NRXN1: variants seen among roughly 807,000 people sequenced by gnomAD.
The protein encoded by NRXN1 is neurexin 1.
Under a neutral mutation model 150.9 loss-of-function variants are expected in NRXN1, and 39 were observed. The ratio of observed to expected loss-of-function variants is 0.26; its 90% CI spans 0.20 to 0.34. The LOEUF (loss-of-function observed/expected upper bound fraction) is 0.34. NRXN1 is among the 10% of genes least tolerant of loss of function. The pLI is 1.00. For synonymous variants in NRXN1, 924 were observed against 757.0 expected (o/e 1.22, Z -3.62); for missense variants, 1,815 against 1,949.9 (o/e 0.93, Z 1.30).
intron 17 of NRXN1, among the ~76,000 whole-genome samples, chr2:50,271,024 C>A (rs1240324043): frequency 6.6e-6 from 1 of 151,884 alleles, no homozygotes; most frequent in East Asian, 1.9e-4. Flanking sequence ...GGTATGTATG[C>A]AATTATATGC....
chr2:50,576,504 A>T (rs1671455772), intron 8 of NRXN1, among the ~76,000 whole-genome samples: 1 of 151,900 alleles, frequency 6.6e-6, no homozygotes, highest in Non-Finnish European at 1.5e-5. Context: ...CCCTCATTTC[A>T]TTGTACATCA....
Position 50,528,627 on chromosome 2 carries a change from G to A in NRXN1, c.2372C>T (p.Ser791Phe). 1 of 1,534,870 alleles carries A rather than the reference G, an allele frequency of 6.5e-7. No individual in the cohort carries two copies. The highest frequency in any genetic ancestry group is 9.0e-7 in the Non-Finnish European group (1 of 1,117,060). The change falls in exon 12 of 23, where the codon TCC becomes TTC. Residue 791 changes from serine (S) to phenylalanine (F), a missense_variant and splice_region_variant. Ser to Phe is a radical substitution (Grantham distance 155). Transcript: ENST00000401669. ...AAAAATTTTGAATAGGCACTTACTGGAATTACAGTTAATCCTGATACAATC... is the reference window on the plus strand; with the variant it reads ...AAAAATTTTGAATAGGCACTTACTGAAATTACAGTTAATCCTGATACAATC... ...NLDCIRINCN[S>F]SKGPETLFAG...
At chr2:50,677,556 G>C (rs1403916271) in intron 5 of NRXN1, among the ~76,000 whole-genome samples, 1 of 152,014 alleles carries the variant, frequency 6.6e-6, no homozygotes. Flanking sequence ...AATCAATTTA[G>C]TTAATTCAGT....
At chr2:50,268,422 T>C (rs887075014) in intron 17 of NRXN1, among the ~76,000 whole-genome samples, 1 of 152,196 alleles carries the variant, frequency 6.6e-6, no homozygotes, top group African/African-American at 2.4e-5. Flanking sequence ...GGGGAGCACA[T>C]ACTGAATTAA....
At chr2:50,978,644 T>G (rs1696300480) in intron 2 of NRXN1, among the ~76,000 whole-genome samples, 1 of 151,992 alleles carries the variant, frequency 6.6e-6, no homozygotes, top group African/African-American at 2.4e-5. Flanking sequence ...GAAAGTTTGT[T>G]GCATTAATGA....
In NRXN1 at chr2:51,028,150, G is replaced by C. The variant is rs1365577683; in HGVS notation, c.124C>G (p.Arg42Gly). The change falls in exon 2 of 23, where the codon CGC becomes GGC. Residue 42 changes from arginine (R) to glycine (G), a missense_variant. Physicochemically the swap from Arg to Gly is moderately radical, Grantham distance 125. This residue lies in a region of NRXN1 where 554 missense variants were observed against 478.8 expected (regional missense o/e 1.16). Transcript: ENST00000401669. ...EFPGAEGQWT[R>G]FPKWNACCES... The stretch of plus-strand genomic sequence containing the variant: ...CAGCAGGCGTTCCACTTGGGGAAGC[G>C]CGTCCATTGGCCCTCGGCGCCCGGA... 1.3e-6 allele frequency: 2 copies of C among 1,542,074 alleles called. No individual in the cohort carries two copies. The highest frequency in any genetic ancestry group is 8.7e-7 in the Non-Finnish European group (1 of 1,147,378).
At chr2:49,986,788 G>T (rs968223772) in intron 21 of NRXN1, among the ~76,000 whole-genome samples, 21 of 152,070 alleles carry the variant, frequency 1.4e-4, no homozygotes, top group African/African-American at 5.1e-4. Context: ...ATTAGGTTGG[G>T]CATGGTCACT....
At chr2:50,722,393 G>A (rs1696787396) in intron 5 of NRXN1, among the ~76,000 whole-genome samples, 2 of 151,988 alleles carry the variant, frequency 1.3e-5, no homozygotes, top group Non-Finnish European at 2.9e-5. Flanking sequence ...ATCTAAATCA[G>A]CAATAAAATA....
At chr2:50,794,455 T>C (rs1330603225) in intron 5 of NRXN1, among the ~76,000 whole-genome samples, 1 of 152,122 alleles carries the variant, frequency 6.6e-6, no homozygotes, top group East Asian at 1.9e-4. Context: ...ACTCAACACA[T>C]TCAGGCAAAA....
intron 17 of NRXN1, among the ~76,000 whole-genome samples, chr2:50,463,312 T>A (rs1455566676): frequency 6.6e-6 from 1 of 151,878 alleles, no homozygotes; most frequent in African/African-American, 2.4e-5. Context: ...CCAATTATAA[T>A]TGATACAAAA....
At chr2:50,211,653 A>T (rs1335107712) in intron 18 of NRXN1, among the ~76,000 whole-genome samples, 2 of 151,540 alleles carry the variant, frequency 1.3e-5, no homozygotes, top group Non-Finnish European at 3.0e-5. Context: ...TTATATACTA[A>T]ATACTAAGGA....
At chr2:50,066,670 A>C (rs1396708335) in intron 19 of NRXN1, among the ~76,000 whole-genome samples, 1 of 152,208 alleles carries the variant, frequency 6.6e-6, no homozygotes, top group Non-Finnish European at 1.5e-5. Context: ...AGTATGACCA[A>C]TAATGGTTAA....
chr2:50,512,961 T>G (rs1182516638), intron 12 of NRXN1, among the ~76,000 whole-genome samples: 2 of 152,170 alleles, frequency 1.3e-5, no homozygotes, highest in African/African-American at 2.4e-5. Flanking sequence ...GAGATCTGCA[T>G]GCATCATAAG....
At chr2:50,194,761 A>C (rs2061653449) in intron 18 of NRXN1, among the ~76,000 whole-genome samples, 1 of 152,192 alleles carries the variant, frequency 6.6e-6, no homozygotes, top group Non-Finnish European at 1.5e-5. Context: ...TCTAAGATGA[A>C]TTAGAGATTC....
intron 5 of NRXN1, among the ~76,000 whole-genome samples, chr2:50,776,677 CAT>C (rs1554069317): frequency 2.2e-4 from 33 of 150,822 alleles, no homozygotes; most frequent in East Asian, 7.7e-4. Flanking sequence ...CACACACACA[CAT>C]ACATACTTAT....
chr2:50,587,603 C>T (rs1261655833), intron 8 of NRXN1, among the ~76,000 whole-genome samples: 1 of 152,056 alleles, frequency 6.6e-6, no homozygotes, highest in African/African-American at 2.4e-5. Context: ...TATTTAATTT[C>T]TGAATTATAG....
intron 17 of NRXN1, among the ~76,000 whole-genome samples, chr2:50,336,639 C>G (rs2077208379): frequency 6.6e-6 from 1 of 152,120 alleles, no homozygotes; most frequent in Non-Finnish European, 1.5e-5. Flanking sequence ...GCAAATTAGT[C>G]TATTATCACA....
intron 18 of NRXN1, among the ~76,000 whole-genome samples, chr2:50,161,978 G>A (rs943053498): frequency 1.3e-5 from 2 of 152,112 alleles, no homozygotes; most frequent in African/African-American, 4.8e-5. Flanking sequence ...AAAAATGTTT[G>A]AAGTCATTGT....
chr2:50,940,511 G>T (rs550477163), intron 2 of NRXN1, among the ~76,000 whole-genome samples: 17 of 151,074 alleles, frequency 1.1e-4, no homozygotes, highest in African/African-American at 2.9e-4. Context: ...AAAACCAAAG[G>T]CCACATTGTA....
Sources: allele counts gnomAD v4.1 joint callset (sites outside exome capture counted in the v4.1 genomes callset), GRCh38; gene constraint gnomAD v4.1.1; regional missense constraint gnomAD v4.1.1; transcripts MANE v1.5; gene names NCBI Gene and HGNC (gene_info 2026-07-23, HGNC 2026-07-21).